NFKBIZ: variants seen among roughly 807,000 people sequenced by gnomAD.
NFKBIZ encodes the protein NFKB inhibitor zeta.
A neutral mutation model predicts 76.8 loss-of-function variants in NFKBIZ; 19 were observed. The observed-to-expected ratio is 0.25, with a 90% CI of 0.17 to 0.36. NFKBIZ has a LOEUF of 0.36. Ranked by LOEUF, NFKBIZ falls within the 10% of genes least tolerant of loss-of-function variation. The probability of loss-of-function intolerance (pLI) is 1.00; values close to 1 mark genes in which losing one functional copy is unlikely to be tolerated. For missense variants in NFKBIZ, 829 were observed against 910.9 expected, an observed-to-expected ratio of 0.91 and a Z score of 1.16; for synonymous variants, 368 against 354.8, an observed-to-expected ratio of 1.04 and a Z score of -0.42.
upstream of NFKBIZ, among the ~76,000 whole-genome samples, chr3:101,847,268 A>G (rs1942865235): frequency 6.6e-6 from 1 of 152,246 alleles, no homozygotes; most frequent in Non-Finnish European, 1.5e-5. Flanking sequence ...TCTTATTTGG[A>G]GCATCTTTTA....
At chr3:101,846,996 T>C (rs1942860993), upstream of NFKBIZ, among the ~76,000 whole-genome samples, 1 of 152,226 alleles carries the variant, frequency 6.6e-6, no homozygotes, top group Non-Finnish European at 1.5e-5. Flanking sequence ...GGAGTGCTGA[T>C]GTCTAAGGGT....
upstream of NFKBIZ, among the ~76,000 whole-genome samples, chr3:101,848,010 G>C (rs964582987): frequency 3.9e-5 from 6 of 152,176 alleles, no homozygotes; most frequent in Admixed American, 3.9e-4. Context: ...AGACCTGTGG[G>C]TTCTGCCCTA....
At chr3:101,842,182 A>T (rs1942793237) in intron 2 of NFKBIZ, among the ~76,000 whole-genome samples, 1 of 152,126 alleles carries the variant, frequency 6.6e-6, no homozygotes, top group Non-Finnish European at 1.5e-5. Flanking sequence ...AAGGCTCCAG[A>T]AGTGTTGGAT....
chr3:101,845,294 CTT>C (rs759102672), upstream of NFKBIZ, among the ~76,000 whole-genome samples: 83 of 131,080 alleles, frequency 6.3e-4, no homozygotes, highest in Admixed American at 7.6e-4. Context: ...AATCCAATTC[CTT>C]TTTTTTTTTT....
At chr3:101,855,269 A>G (rs542776019) in intron 7 of NFKBIZ, 61 bp downstream of exon 7, 10 of 1,599,276 alleles carry the variant, frequency 6.3e-6, no homozygotes, top group Non-Finnish European at 8.5e-6. Flanking sequence ...GTTGGATATT[A>G]GAAGTCGGAT....
At chr3:101,850,001 C>T in intron 1 of NFKBIZ, 84 bp downstream of exon 1, 1 of 1,211,088 alleles carries the variant, frequency 8.3e-7, no homozygotes, top group Non-Finnish European at 1.1e-6. Context: ...TGGAGGGTGG[C>T]CCCTGCGCCC....
At chr3:101,853,987 T>A in intron 5 of NFKBIZ, 124 bp downstream of exon 5, 1 of 900,786 alleles carries the variant, frequency 1.1e-6, no homozygotes, top group Non-Finnish European at 1.7e-6. Flanking sequence ...CCAAGATGAC[T>A]GGTGTAGATA....
chr3:101,852,849 T>C, intron 3 of NFKBIZ, 37 bp from the exon 4 acceptor site: 1 of 1,602,092 alleles, frequency 6.2e-7, no homozygotes, highest in East Asian at 2.2e-5. Flanking sequence ...ATTTATAAAA[T>C]AAAATGATGA....
chr3:101,848,851 G>C (rs535651654), upstream of NFKBIZ: 1 of 152,238 alleles, frequency 6.6e-6, no homozygotes, highest in Non-Finnish European at 1.5e-5. Context: ...CGTCCCAGCA[G>C]ATAATTTGAG....
chr3:101,841,579 C>A (rs767534923), intron 2 of NFKBIZ, among the ~76,000 whole-genome samples: 13 of 152,180 alleles, frequency 8.5e-5, no homozygotes, highest in Non-Finnish European at 1.6e-4. Context: ...ATTTACTCAT[C>A]TGCATTAGAA....
In NFKBIZ at chr3:101,858,325, T is replaced by C. The variant is rs953751800; in HGVS notation, c.2103+866T>C. ...AATATTTCTATAGTTTGTAAAAAGTTTTCATGTATATCATTTAATAGTTAG... is the reference window on the plus strand; with the variant it reads ...AATATTTCTATAGTTTGTAAAAAGTCTTCATGTATATCATTTAATAGTTAG... On this transcript the variant is annotated intron_variant, in intron 11 of 11. Coordinates refer to ENST00000326172, the MANE Select transcript of NFKBIZ (RefSeq NM_031419.4). The C allele has an allele frequency of 1.0e-5, 10 of 967,498 alleles. No individual in the cohort carries two copies. The African/African-American group carries it at 1.4e-4, about 14-fold the overall frequency. 59.9% of individuals were successfully genotyped at this position (967,498 alleles called of 1,614,324 possible). A position where few individuals can be genotyped will look rare whatever the true frequency, so the allele number is the denominator to read the frequency against.
At chr3:101,840,281 G>A (rs1486234299) in intron 2 of NFKBIZ, among the ~76,000 whole-genome samples, 4 of 152,122 alleles carry the variant, frequency 2.6e-5, no homozygotes, top group African/African-American at 7.2e-5. Flanking sequence ...TTACCTCTTG[G>A]TGTCTATAGT....
rs1040928688 is a variant in NFKBIZ, at chr3:101,841,114, G to C, written c.-11-10971G>C. Among the ~76,000 whole-genome samples the C allele has an allele frequency of 1.2e-4, 18 of 152,272 alleles. No homozygotes were observed. In the South Asian group the frequency reaches 2.1e-3, roughly 18 times the overall value. Reference sequence around the variant, plus strand: ...CATCTGTATGATGATTAGGTTACTGGTTGGAGAAATTTCCTCAATATGGTA... The same window carrying C: ...CATCTGTATGATGATTAGGTTACTGCTTGGAGAAATTTCCTCAATATGGTA... On this transcript the variant is annotated intron_variant, in intron 2 of 12. Transcript: ENST00000394054.
chr3:101,858,266 C>T, intron 11 of NFKBIZ: 1 of 975,000 alleles, frequency 1.0e-6, no homozygotes. Context: ...GTTATAGTAG[C>T]CCCTATTTAT....
chr3:101,832,936 A>G (rs1392562535), intron 2 of NFKBIZ, among the ~76,000 whole-genome samples: 3 of 152,250 alleles, frequency 2.0e-5, no homozygotes, highest in African/African-American at 7.2e-5. Flanking sequence ...TATTTGGCAC[A>G]GTGCAGTGAA....
chr3:101,860,811 AAAAG>A lies in NFKBIZ; in HGVS notation c.*1444_*1447del, dbSNP rs1235852720. ...AACCTTTTTTTTTTAAAAAAAAAAAAAAAGAAAATCTCATTAGTGAACTTATCTT... is the reference window on the plus strand; with the variant it reads ...AACCTTTTTTTTTTAAAAAAAAAAAAAAAATCTCATTAGTGAACTTATCTT... On this transcript the variant is annotated 3_prime_UTR_variant, in exon 12 of 12. Transcript: ENST00000326172. The A allele has an allele frequency of 8.8e-4, 134 of 151,930 alleles. No homozygotes were observed. The Middle Eastern group carries it at 0.014, about 15-fold the overall frequency. The allele number at this position is 151,930 out of a possible 1,614,324, so 9.4% of individuals were successfully genotyped here. A position where few individuals can be genotyped will look rare whatever the true frequency, so the allele number is the denominator to read the frequency against.
chr3:101,852,683 A>G (rs1008778400), intron 2 of NFKBIZ, 55 bp from the exon 3 acceptor site: 7 of 1,216,754 alleles, frequency 5.8e-6, no homozygotes, highest in East Asian at 4.6e-5. Flanking sequence ...TTACTGATGT[A>G]TATTAAGAGG....
chr3:101,843,020 T>TAAAAAAA (rs35824432), intron 2 of NFKBIZ, among the ~76,000 whole-genome samples: 1 of 66,436 alleles, frequency 1.5e-5, no homozygotes, highest in Non-Finnish European at 2.9e-5. Context: ...CTGTATTTTC[T>TAAAAAAA]AAAAAAAAAA....
intron 2 of NFKBIZ, among the ~76,000 whole-genome samples, chr3:101,829,913 T>G (rs1409454801): frequency 6.6e-6 from 1 of 152,030 alleles, no homozygotes; most frequent in Admixed American, 6.6e-5. Context: ...TTTAGTAGTA[T>G]TTTTTTAAAC....
Sources: allele counts gnomAD v4.1 joint callset (sites outside exome capture counted in the v4.1 genomes callset), GRCh38; gene constraint gnomAD v4.1.1; transcripts MANE v1.5; gene names NCBI Gene and HGNC (gene_info 2026-07-23, HGNC 2026-07-21).